Variants in MAP2 observed in about 807,000 individuals in gnomAD.
MAP2 encodes the protein microtubule-associated protein 2.
In MAP2, 14 loss-of-function variants were observed where a neutral mutation model predicts 137.6. The ratio of observed to expected loss-of-function variants is 0.10; its 90% CI spans 0.07 to 0.16. MAP2 has a LOEUF of 0.16. Ranked by LOEUF, MAP2 falls within the 10% of genes least tolerant of loss-of-function variation. MAP2 has a pLI of 1.00. For missense variants in MAP2, 2,088 were observed against 2,191.5 expected, an observed-to-expected ratio of 0.95 and a Z score of 0.94; for synonymous variants, 786 against 782.3, an observed-to-expected ratio of 1.00 and a Z score of -0.08.
chr2:209,477,396 T>G (rs1707535736), intron 1 of MAP2, among the ~76,000 whole-genome samples: 1 of 151,872 alleles, frequency 6.6e-6, no homozygotes, highest in African/African-American at 2.4e-5. Flanking sequence ...ATGGCTCTAT[T>G]AAAAAAAATT....
intron 2 of MAP2, among the ~76,000 whole-genome samples, chr2:209,576,324 A>C (rs959902428): frequency 5.3e-5 from 8 of 151,882 alleles, no homozygotes; most frequent in Non-Finnish European, 1.2e-4. Flanking sequence ...GCTCACTGCA[A>C]CCTCCACCTC....
chr2:209,568,019 C>T (rs145794256), intron 2 of MAP2, among the ~76,000 whole-genome samples: 176 of 151,832 alleles, frequency 1.2e-3, no homozygotes, highest in Non-Finnish European at 2.0e-3. Context: ...AACTTTCATG[C>T]ACATGTAGAT....
chr2:209,465,008 C>T (rs1703780919), intron 1 of MAP2, among the ~76,000 whole-genome samples: 1 of 152,070 alleles, frequency 6.6e-6, no homozygotes, highest in South Asian at 2.1e-4. Context: ...AAGCTTTCTT[C>T]TCAATGCTGC....
intron 13 of MAP2, among the ~76,000 whole-genome samples, chr2:209,717,175 A>AT (rs1211664021): frequency 6.6e-6 from 1 of 152,186 alleles, no homozygotes; most frequent in Non-Finnish European, 1.5e-5. Context: ...AAGAGGTTTA[A>AT]TTGACTCACA....
chr2:209,519,871 T>C (rs371129537), intron 2 of MAP2, among the ~76,000 whole-genome samples: 9 of 152,046 alleles, frequency 5.9e-5, no homozygotes, highest in Non-Finnish European at 1.0e-4. Flanking sequence ...TTCACACTCA[T>C]AGTAACTTGA....
At chr2:209,616,691 AAC>A (rs1461099646) in intron 3 of MAP2, among the ~76,000 whole-genome samples, 3 of 144,692 alleles carry the variant, frequency 2.1e-5, no homozygotes, top group Non-Finnish European at 4.4e-5. Flanking sequence ...GTAATAAGAA[AAC>A]AGTCAGTCTT....
chr2:209,570,836 G>A (rs1257646524), intron 2 of MAP2, among the ~76,000 whole-genome samples: 2 of 151,846 alleles, frequency 1.3e-5, no homozygotes, highest in African/African-American at 2.4e-5. Context: ...GCCTCAATGG[G>A]TAATGGATTT....
At chr2:209,605,854 CTTGCAATTTAAATTAACAG>C (rs2084517189) in intron 3 of MAP2, among the ~76,000 whole-genome samples, 1 of 152,116 alleles carries the variant, frequency 6.6e-6, no homozygotes, top group Non-Finnish European at 1.5e-5. Flanking sequence ...TTGCCTTAGA[CTTGCAATTTAAATTAACAG>C]TTGAGTGGTA....
intron 1 of MAP2, among the ~76,000 whole-genome samples, chr2:209,475,103 A>G (rs1706855720): frequency 6.6e-6 from 1 of 152,072 alleles, no homozygotes; most frequent in Admixed American, 6.6e-5. Flanking sequence ...AAATTGATTT[A>G]TAGTTAGATA....
At chr2:209,548,568 T>A (rs1298147978) in intron 2 of MAP2, among the ~76,000 whole-genome samples, 3 of 152,218 alleles carry the variant, frequency 2.0e-5, no homozygotes, top group Non-Finnish European at 4.4e-5. Flanking sequence ...TGCAATCAAT[T>A]GTTCAATGAT....
chr2:209,534,396 G>T (rs911946155), intron 2 of MAP2, among the ~76,000 whole-genome samples: 1 of 152,126 alleles, frequency 6.6e-6, no homozygotes, highest in African/African-American at 2.4e-5. Context: ...CTTACTCTTC[G>T]CTGCCATGTG....
chr2:209,708,707 T>G (rs1242954960), intron 12 of MAP2, among the ~76,000 whole-genome samples: 1 of 152,198 alleles, frequency 6.6e-6, no homozygotes, highest in Non-Finnish European at 1.5e-5. Context: ...TTCATTGATT[T>G]TTTTACTTAA....
At chr2:209,720,690 G>T (rs1422033888) in intron 13 of MAP2, among the ~76,000 whole-genome samples, 1 of 148,810 alleles carries the variant, frequency 6.7e-6, no homozygotes, top group South Asian at 2.1e-4. Context: ...AGATTAAAAT[G>T]TGATTTAGAG....
intron 3 of MAP2, among the ~76,000 whole-genome samples, chr2:209,601,131 G>C (rs1284236991): frequency 6.6e-6 from 1 of 152,274 alleles, no homozygotes; most frequent in East Asian, 1.9e-4. Context: ...AAAATACTTA[G>C]TCAAGTGCTA....
Position 209,697,001 on chromosome 2 carries a change from T to C in MAP2, c.4472T>C (p.Ile1491Thr). Reference protein sequence around the residue: ...PSRKFILKPAIKYTRPTHLSC... With the variant: ...PSRKFILKPATKYTRPTHLSC... ...AGGAAATTCATTTTAAAACCTGCTA[T>C]CAAATATACTAGACCAACTCATCTC... The change falls in exon 10 of 16, where the codon ATC becomes ACC. Residue 1491 changes from isoleucine (I) to threonine (T), a missense_variant. By Grantham distance (89) the Ile-to-Thr change is moderately conservative. Around this residue, in one of 6 missense-constraint regions of MAP2, gnomAD observed 591 missense variants for 642.6 expected, o/e 0.92. Transcript: ENST00000682079. 1 of 1,613,358 alleles carries C rather than the reference T, an allele frequency of 6.2e-7. No homozygotes were observed. Among genetic ancestry groups the C allele is most frequent in the Non-Finnish European group, 8.5e-7 (1 of 1,179,832 alleles).
chr2:209,428,285 C>G (rs1247581427), intron 1 of MAP2, among the ~76,000 whole-genome samples: 1 of 151,916 alleles, frequency 6.6e-6, no homozygotes, highest in East Asian at 1.9e-4. Flanking sequence ...GCTCAGGATC[C>G]TCTTTCAGTC....
intron 4 of MAP2, among the ~76,000 whole-genome samples, chr2:209,628,642 A>C (rs1487009979): frequency 6.6e-6 from 1 of 152,196 alleles, no homozygotes; most frequent in Admixed American, 6.5e-5. Context: ...TGACTCTCCT[A>C]TGCAGAATCC....
intron 4 of MAP2, among the ~76,000 whole-genome samples, chr2:209,646,077 T>G (rs2094403624): frequency 6.6e-6 from 1 of 152,066 alleles, no homozygotes; most frequent in South Asian, 2.1e-4. Flanking sequence ...CCCAGCTACT[T>G]AAGAGGCTGC....
chr2:209,710,920 T>A (rs571398743), intron 13 of MAP2: 3 of 152,524 alleles, frequency 2.0e-5, no homozygotes, highest in African/African-American at 7.2e-5. Context: ...AACATTCATA[T>A]CTTTTCAAAC....
Sources: gnomAD v4.1 joint callset for allele counts (sites outside exome capture counted in the v4.1 genomes callset) on GRCh38, gnomAD v4.1.1 for gene constraint, gnomAD v4.1.1 regional missense constraint, MANE v1.5 for transcripts, NCBI Gene and HGNC (gene_info 2026-07-23, HGNC 2026-07-21) for gene names.